Variants in STK32B observed in about 807,000 individuals in gnomAD.
STK32B encodes the protein serine/threonine-protein kinase 32B.
In STK32B, 43 loss-of-function variants were observed where a neutral mutation model predicts 52.6. That is an observed-to-expected ratio of 0.82 (90% CI 0.64 to 1.05). The LOEUF is 1.05. Among genes scored for constraint, STK32B ranks in the 50% least tolerant of loss-of-function variants. The probability of loss-of-function intolerance (pLI) is 0.00; values close to 1 mark genes in which losing one functional copy is unlikely to be tolerated. For missense variants in STK32B, 621 were observed against 534.6 expected, an observed-to-expected ratio of 1.16 and a Z score of -1.59; for synonymous variants, 238 against 204.3, an observed-to-expected ratio of 1.17 and a Z score of -1.41.
chr4:5,365,800 G>A (rs913373381), intron 4 of STK32B, among the ~76,000 whole-genome samples: 1 of 152,196 alleles, frequency 6.6e-6, no homozygotes, highest in Admixed American at 6.5e-5. Context: ...GTGAGTCACT[G>A]GGGAGAGGAA....
chr4:5,258,219 G>A (rs1726463435), intron 3 of STK32B, among the ~76,000 whole-genome samples: 2 of 152,196 alleles, frequency 1.3e-5, no homozygotes, highest in Non-Finnish European at 2.9e-5. Context: ...ATATTGAGAA[G>A]TGACACATCT....
At chr4:5,497,872 A>G (rs928913149) in intron 11 of STK32B, among the ~76,000 whole-genome samples, 39 of 152,292 alleles carry the variant, frequency 2.6e-4, no homozygotes, top group African/African-American at 8.9e-4. Flanking sequence ...GGTGTTGACA[A>G]CCTGCTCTGC....
chr4:5,172,155 T>G lies in STK32B; in HGVS notation c.260+3705T>G, dbSNP rs552078473. ...AATGCTTGTGATTTTTGTACATTGATTTTGTATCCTGAGACTTTGCTGAAG... is the reference window on the plus strand; with the variant it reads ...AATGCTTGTGATTTTTGTACATTGAGTTTGTATCCTGAGACTTTGCTGAAG... On this transcript the variant is annotated intron_variant, in intron 3 of 11. Transcript: ENST00000282908. Among the ~76,000 whole-genome samples, 1,253 of 152,254 alleles carry G rather than the reference T, an allele frequency of 8.2e-3. 17 individuals are homozygous for G. The highest frequency in any genetic ancestry group is 0.028 in the African/African-American group (1,169 of 41,546).
At chr4:5,322,229 C>T (rs1190310543) in intron 3 of STK32B, among the ~76,000 whole-genome samples, 1 of 152,158 alleles carries the variant, frequency 6.6e-6, no homozygotes, top group East Asian at 1.9e-4. Context: ...AGGCACAAGT[C>T]AGGCTTGATA....
chr4:5,457,241 A>G (rs1577536891), intron 8 of STK32B, among the ~76,000 whole-genome samples: 2 of 116,838 alleles, frequency 1.7e-5, no homozygotes, highest in African/African-American at 3.4e-5. Context: ...TAATATACGG[A>G]GTCTCACTCT....
At chr4:5,276,849 T>C (rs1427134449) in intron 3 of STK32B, among the ~76,000 whole-genome samples, 1 of 151,956 alleles carries the variant, frequency 6.6e-6, no homozygotes, top group Non-Finnish European at 1.5e-5. Flanking sequence ...CCAGCCCTTG[T>C]TTTTTGCCTC....
At chr4:5,094,381 G>T (rs1053613963) in intron 1 of STK32B, among the ~76,000 whole-genome samples, 1 of 152,210 alleles carries the variant, frequency 6.6e-6, no homozygotes, top group Non-Finnish European at 1.5e-5. Context: ...TGGTTGGCAT[G>T]ATAGCTCATG....
intron 11 of STK32B, among the ~76,000 whole-genome samples, chr4:5,476,131 C>T (rs1318256155): frequency 6.6e-6 from 1 of 152,074 alleles, no homozygotes; most frequent in Non-Finnish European, 1.5e-5. Context: ...ATCTCCTGAC[C>T]TCAGGTGATC....
chr4:5,383,258 T>G (rs1213525788), intron 4 of STK32B, among the ~76,000 whole-genome samples: 5 of 152,104 alleles, frequency 3.3e-5, no homozygotes, highest in Non-Finnish European at 7.3e-5. Flanking sequence ...ATGCTGTGCC[T>G]CAAGAGGTGA....
intron 3 of STK32B, among the ~76,000 whole-genome samples, chr4:5,224,065 G>A (rs1723713256): frequency 6.6e-6 from 1 of 152,080 alleles, no homozygotes; most frequent in Non-Finnish European, 1.5e-5. Flanking sequence ...TGAATCTCAC[G>A]CATATCTGAT....
At chr4:5,288,750 C>A (rs1438912720) in intron 3 of STK32B, among the ~76,000 whole-genome samples, 7 of 152,116 alleles carry the variant, frequency 4.6e-5, no homozygotes, top group Non-Finnish European at 1.5e-5. Flanking sequence ...TTAATGACAA[C>A]CAACTTTCTA....
At chr4:5,392,162 T>C (rs1332706000) in intron 4 of STK32B, among the ~76,000 whole-genome samples, 1 of 152,224 alleles carries the variant, frequency 6.6e-6, no homozygotes, top group Non-Finnish European at 1.5e-5. Flanking sequence ...AGAACAAGCA[T>C]GATGGCTCAC....
At chr4:5,168,175 C>T (rs1719036018) in intron 2 of STK32B, 124 bp from the exon 3 acceptor site, 5 of 1,293,904 alleles carry the variant, frequency 3.9e-6, no homozygotes, top group Non-Finnish European at 4.2e-6. Context: ...GAGCTGCTCC[C>T]CTAGCAGATT....
At chr4:5,067,891 C>T (rs1048244576) in intron 1 of STK32B, among the ~76,000 whole-genome samples, 1 of 152,012 alleles carries the variant, frequency 6.6e-6, no homozygotes, top group African/African-American at 2.4e-5. Context: ...GAGGAGGTGC[C>T]ACACATTTTT....
At chr4:5,176,286 A>G (rs887144112) in intron 3 of STK32B, among the ~76,000 whole-genome samples, 1 of 152,014 alleles carries the variant, frequency 6.6e-6, no homozygotes, top group Admixed American at 6.6e-5. Flanking sequence ...TGGTTCACGC[A>G]TGGTGTGCTG....
intron 1 of STK32B, among the ~76,000 whole-genome samples, chr4:5,120,158 C>T (rs1032605129): frequency 5.3e-5 from 8 of 152,212 alleles, no homozygotes; most frequent in Admixed American, 2.6e-4. Flanking sequence ...ATAGACACTG[C>T]GCCAATGACA....
chr4:5,066,719 C>T (rs1287068000), intron 1 of STK32B, among the ~76,000 whole-genome samples: 1 of 152,196 alleles, frequency 6.6e-6, no homozygotes, highest in African/African-American at 2.4e-5. Context: ...ATTATTTATA[C>T]TCTTCAACCA....
intron 3 of STK32B, among the ~76,000 whole-genome samples, chr4:5,296,218 C>A (rs1729188148): frequency 6.6e-6 from 1 of 152,166 alleles, no homozygotes; most frequent in African/African-American, 2.4e-5. Context: ...TGATGTGATG[C>A]TGAGAAGAAT....
chr4:5,321,553 C>T (rs550074084), intron 3 of STK32B, among the ~76,000 whole-genome samples: 7 of 152,204 alleles, frequency 4.6e-5, no homozygotes, highest in Non-Finnish European at 7.3e-5. Context: ...GTGAACAGTA[C>T]GTGTGCCTCT....
Sources: allele counts gnomAD v4.1 joint callset (sites outside exome capture counted in the v4.1 genomes callset), GRCh38; gene constraint gnomAD v4.1.1; transcripts MANE v1.5; gene names NCBI Gene and HGNC (gene_info 2026-07-23, HGNC 2026-07-21).